The following CSMD2 variants were observed in gnomAD, a reference collection of about 807,000 sequenced individuals.
CSMD2 encodes CUB and Sushi multiple domains 2, also known as CUB and sushi domain-containing protein 2.
In CSMD2, 130 loss-of-function variants were observed where a neutral mutation model predicts 398.5. That is an observed-to-expected ratio of 0.33 (90% CI 0.28 to 0.38). The LOEUF is 0.38. CSMD2 is among the 10% of genes least tolerant of loss of function. The pLI is 1.00. For missense variants in CSMD2, 3,829 were observed against 4,764.9 expected, an observed-to-expected ratio of 0.80 and a Z score of 5.78; for synonymous variants, 1,828 against 1,908.5, an observed-to-expected ratio of 0.96 and a Z score of 1.10.
intron 13 of CSMD2, among the ~76,000 whole-genome samples, chr1:33,759,392 C>T (rs1649516849): frequency 7.0e-6 from 1 of 143,346 alleles, no homozygotes; most frequent in African/African-American, 2.6e-5. Flanking sequence ...GTGGCGCAAT[C>T]TCTGCTCACT....
At chr1:34,128,481 G>A (rs893689033) in intron 1 of CSMD2, among the ~76,000 whole-genome samples, 5 of 152,316 alleles carry the variant, frequency 3.3e-5, no homozygotes, top group East Asian at 1.9e-4. Flanking sequence ...AAGCCAGCAC[G>A]TTGTCGAAGT....
Position 33,600,947 on chromosome 1 carries a change from T to C in CSMD2, c.6774A>G (p.Thr2258=), listed in dbSNP as rs748324904. Residue 2258 remains threonine (T), a synonymous_variant, in exon 44 of 71, where the codon ACA becomes ACG. Transcript: ENST00000373381. ...GVFTRSMAKK[T]VQSSSNQVLL... ...GGACCTGGTTGGATGAACTCTGCAC[T>C]GTTTTCTTGGCCATGCTCCGGGTGA... 5.0e-6 allele frequency: 8 copies of C among 1,614,154 alleles called. No individual in the cohort carries two copies. In the Admixed American group the frequency reaches 6.7e-5, roughly 13 times the overall value.
intron 10 of CSMD2, among the ~76,000 whole-genome samples, chr1:33,798,038 A>AG (rs1173583138): frequency 6.6e-6 from 1 of 152,174 alleles, no homozygotes; most frequent in Non-Finnish European, 1.5e-5. Context: ...ACAATGCTGC[A>AG]GTTTCAGGAC....
At chr1:33,982,199 TG>T (rs1009726843) in intron 3 of CSMD2, among the ~76,000 whole-genome samples, 2 of 151,846 alleles carry the variant, frequency 1.3e-5, no homozygotes, top group Admixed American at 1.3e-4. Context: ...CCAGTTTTCT[TG>T]GGGGGCTACT....
chr1:34,097,919 AC>A (rs1659525008), intron 1 of CSMD2, among the ~76,000 whole-genome samples: 1 of 128,172 alleles, frequency 7.8e-6, no homozygotes, highest in Non-Finnish European at 1.6e-5. Flanking sequence ...CTGGGTATAT[AC>A]CCAAAGGACT....
Position 33,889,753 on chromosome 1 carries a change from C to CTGTGTGTGTGTGTGTG in CSMD2, c.920+28325_920+28340dup, listed in dbSNP as rs55771161. Among the ~76,000 whole-genome samples the CTGTGTGTGTGTGTGTG allele has an allele frequency of 8.8e-5, 13 of 148,062 alleles. 1 individual carries two copies. Among genetic ancestry groups the CTGTGTGTGTGTGTGTG allele is most frequent in the African/African-American group, 2.7e-4 (11 of 40,166 alleles). ...ATATGTTTATGTTTCACCTCCTATC[C>CTGTGTGTGTGTGTGTG]TGTGTGTGTGTGTGTGTGTGTGTGT... On this transcript the variant is annotated intron_variant, in intron 5 of 70. Coordinates refer to ENST00000373381, the MANE Select transcript of CSMD2 (RefSeq NM_001281956.2).
Position 33,611,093 on chromosome 1 carries a change from A to G in CSMD2, c.6291T>C (p.Tyr2097=). ...LLSTSHETTV[Y]FHSDHSQNRP... ...GATTCTGGGAGTGGTCGCTGTGGAA[A>G]TACACGGTGGTCTCGTGGGACGTGG... The change falls in exon 41 of 71, where the codon TAT becomes TAC. Residue 2097 remains tyrosine (Y), a synonymous_variant. Coordinates refer to ENST00000373381, the MANE Select transcript of CSMD2 (RefSeq NM_001281956.2). The G allele has an allele frequency of 6.2e-7, 1 of 1,614,048 alleles. No individual in the cohort carries two copies. The highest frequency in any genetic ancestry group is 8.5e-7 in the Non-Finnish European group (1 of 1,180,012).
At chr1:33,602,579 G>A (rs781710270) in intron 42 of CSMD2, 33 bp from the exon 43 acceptor site, 1 of 1,533,084 alleles carries the variant, frequency 6.5e-7, no homozygotes, top group Non-Finnish European at 8.8e-7. Flanking sequence ...GTAAGTGCAG[G>A]GCCTCGGTAC....
intron 5 of CSMD2, among the ~76,000 whole-genome samples, chr1:33,854,944 G>A (rs1316113374): frequency 6.6e-6 from 1 of 152,190 alleles, no homozygotes; most frequent in African/African-American, 2.4e-5. Context: ...GTGGCTTGGT[G>A]TGTCAGTTTC....
At chr1:33,783,483 T>C (rs952159243) in intron 12 of CSMD2, among the ~76,000 whole-genome samples, 1 of 146,308 alleles carries the variant, frequency 6.8e-6, no homozygotes, top group Non-Finnish European at 1.5e-5. Flanking sequence ...CTCCTGTGTG[T>C]GCATGCACCC....
intron 3 of CSMD2, among the ~76,000 whole-genome samples, chr1:33,967,272 C>CG (rs59965672): frequency 7.0e-6 from 1 of 142,290 alleles, no homozygotes; most frequent in Non-Finnish European, 1.5e-5. Context: ...TTTTTTAAAG[C>CG]GGGGGGTGGG....
intron 25 of CSMD2, among the ~76,000 whole-genome samples, chr1:33,666,901 A>G (rs594908): frequency 0.024 from 3,632 of 152,142 alleles, 151 homozygotes; most frequent in African/African-American, 0.082. Flanking sequence ...TGTGGGCCAC[A>G]CTCATCAGGG....
intron 32 of CSMD2, among the ~76,000 whole-genome samples, chr1:33,632,659 A>G (rs964612999): frequency 1.3e-5 from 2 of 152,180 alleles, no homozygotes; most frequent in Non-Finnish European, 2.9e-5. Flanking sequence ...CAAACTGACA[A>G]GATCTTTCTA....
At chr1:33,987,241 C>A (rs967936153) in intron 3 of CSMD2, among the ~76,000 whole-genome samples, 2 of 152,236 alleles carry the variant, frequency 1.3e-5, no homozygotes, top group East Asian at 3.9e-4. Flanking sequence ...AGTAATGATA[C>A]CCCCTATGCT....
In CSMD2 at chr1:33,635,651, T is replaced by G. The variant is rs953471945; in HGVS notation, c.4970-321A>C. ...GGAGCACATTAGGAACCTCTTCTGC[T>G]TACACGTGGAGCCTAGAAATGATCT... On this transcript the variant is annotated intron_variant, in intron 30 of 70. Coordinates refer to ENST00000373381, the MANE Select transcript of CSMD2 (RefSeq NM_001281956.2). This position sits in a 1 kb window ranked among gnomAD's most constrained non-coding sequence, Gnocchi z 5.0. Among the ~76,000 whole-genome samples the G allele has an allele frequency of 1.3e-5, 2 of 152,208 alleles. No homozygotes were observed. Among genetic ancestry groups the G allele is most frequent in the African/African-American group, 4.8e-5 (2 of 41,452 alleles).
chr1:33,606,537 G>A (rs1640623204), intron 41 of CSMD2, among the ~76,000 whole-genome samples: 1 of 152,242 alleles, frequency 6.6e-6, no homozygotes, highest in Non-Finnish European at 1.5e-5. Flanking sequence ...CCACATGGGT[G>A]GGGTGGCTGC....
At position 33,716,655 on chromosome 1, in the gene CSMD2, A is replaced by T. The variant is rs1039556933; in HGVS notation, c.3002-154T>A. 2.6e-5 allele frequency among the ~76,000 whole-genome samples: 4 copies of T among 152,352 alleles called. No homozygotes were observed. In the East Asian group the frequency reaches 5.8e-4, roughly 22 times the overall value. On this transcript the variant is annotated intron_variant, in intron 19 of 70. Coordinates refer to ENST00000373381, the MANE Select transcript of CSMD2 (RefSeq NM_001281956.2). ...TTGACAAATCATACAGGTGAATCTG[A>T]ATGAAGGAACCTGAACACACAAGTG... is the stretch of plus-strand genomic sequence containing the variant.
chr1:34,052,820 G>A (rs556281964), intron 2 of CSMD2, among the ~76,000 whole-genome samples: 10 of 152,200 alleles, frequency 6.6e-5, no homozygotes, highest in African/African-American at 2.4e-4. Flanking sequence ...TAAGTGTTTC[G>A]AGAAGAATTA....
intron 3 of CSMD2, among the ~76,000 whole-genome samples, chr1:34,003,786 G>A (rs867742306): frequency 6.6e-6 from 1 of 152,190 alleles, no homozygotes; most frequent in South Asian, 2.1e-4. Context: ...GTCTAGTCTA[G>A]ACTGGCCTTT....
Sources: allele counts gnomAD v4.1 joint callset (sites outside exome capture counted in the v4.1 genomes callset), GRCh38; gene constraint gnomAD v4.1.1; non-coding constraint Gnocchi (gnomAD v3.1); transcripts MANE v1.5; gene names NCBI Gene and HGNC (gene_info 2026-07-23, HGNC 2026-07-21).